The following EGFL6 variants were observed in gnomAD, a reference collection of about 807,000 sequenced individuals.
EGFL6 encodes EGF like domain multiple 6, also known as epidermal growth factor-like protein 6.
Under a neutral mutation model 43.1 loss-of-function variants are expected in EGFL6, and 42 were observed. That is an observed-to-expected ratio of 0.98 (90% CI 0.76 to 1.26). The LOEUF (loss-of-function observed/expected upper bound fraction) is 1.26. Among genes scored for constraint, EGFL6 ranks in the 50% most tolerant of loss-of-function variants. The probability of loss-of-function intolerance (pLI) is 0.00; values close to 1 mark genes in which losing one functional copy is unlikely to be tolerated. For missense variants in EGFL6, 429 were observed against 427.8 expected (o/e 1.00, Z -0.02); for synonymous variants, 164 against 163.2 (o/e 1.01, Z -0.04).
chrX:13,582,540 A>G (rs1269767151), intron 1 of EGFL6, among the ~76,000 whole-genome samples: 1 of 111,235 alleles, frequency 9.0e-6, no homozygotes, highest in African/African-American at 3.3e-5. Context: ...TAAATTTTTG[A>G]TGGCCCAAGT....
chrX:13,604,888 A>T (rs1410009029), intron 5 of EGFL6, among the ~76,000 whole-genome samples: 1 of 112,080 alleles, frequency 8.9e-6, no homozygotes, highest in Non-Finnish European at 1.9e-5. Context: ...ATGTTTATTT[A>T]TCCTAACTAT....
chrX:13,602,241 G>A (rs1342240002), intron 4 of EGFL6, among the ~76,000 whole-genome samples: 2 of 110,968 alleles, frequency 1.8e-5, no homozygotes, highest in Non-Finnish European at 3.8e-5. Context: ...GTTCTGGAGG[G>A]GGATGGAGGG....
chrX:13,616,165 G>A (rs915051272), intron 7 of EGFL6, among the ~76,000 whole-genome samples: 1 of 111,990 alleles, frequency 8.9e-6, no homozygotes, highest in East Asian at 2.8e-4. Context: ...CTTTACATCA[G>A]TTGGATATTC....
At chrX:13,595,164 A>C (rs1464584565) in intron 3 of EGFL6, among the ~76,000 whole-genome samples, 1 of 110,936 alleles carries the variant, frequency 9.0e-6, no homozygotes, top group Non-Finnish European at 1.9e-5. Flanking sequence ...TATCTTTTTT[A>C]AATAAGCTAA....
At chrX:13,614,524 T>A (rs2146702404) in intron 7 of EGFL6, among the ~76,000 whole-genome samples, 1 of 112,383 alleles carries the variant, frequency 8.9e-6, no homozygotes, top group South Asian at 3.7e-4. Context: ...TATTCTCACC[T>A]AAGAGTGATC....
At chrX:13,612,973 C>T (rs1434955354) in intron 7 of EGFL6, among the ~76,000 whole-genome samples, 1 of 108,398 alleles carries the variant, frequency 9.2e-6, no homozygotes, top group African/African-American at 3.4e-5. Flanking sequence ...GGTAAAACCC[C>T]GCCTCTACTA....
intron 4 of EGFL6, among the ~76,000 whole-genome samples, chrX:13,600,811 C>T (rs1476022194): frequency 9.4e-6 from 1 of 106,332 alleles, no homozygotes; most frequent in Non-Finnish European, 1.9e-5. Flanking sequence ...AAAAAAAAAG[C>T]GGTAAAATAA....
intron 9 of EGFL6, among the ~76,000 whole-genome samples, chrX:13,620,670 C>T (rs188000065): frequency 1.8e-5 from 2 of 111,432 alleles, no homozygotes; most frequent in African/African-American, 6.5e-5. Context: ...TTTTGTTTCT[C>T]TGCATTAGAC....
rs2045686768 is a variant in EGFL6 at position 13,611,130 on chromosome X, A to C, written c.778+2684A>C. On this transcript the variant is annotated intron_variant, in intron 7 of 11. Transcript: ENST00000361306. ...CTCTCCCCAGTTTCTGCCTCCTGGA[A>C]TCACCTTCCAAGTAAGTCATCTGCA... 4.5e-5 allele frequency among the ~76,000 whole-genome samples: 5 copies of C among 110,961 alleles called. No individual in the cohort carries two copies. The Admixed American group carries it at 4.8e-4, about 11-fold the overall frequency.
intron 2 of EGFL6, among the ~76,000 whole-genome samples, chrX:13,590,911 G>T (rs1241459014): frequency 9.0e-6 from 1 of 111,682 alleles, no homozygotes; most frequent in East Asian, 2.8e-4. Flanking sequence ...GATTGATAGT[G>T]TCATGATCAA....
At chrX:13,593,516 C>T (rs2045578053) in intron 2 of EGFL6, among the ~76,000 whole-genome samples, 1 of 111,388 alleles carries the variant, frequency 9.0e-6, no homozygotes, top group African/African-American at 3.3e-5. Context: ...CCCACAGGGA[C>T]CTCTAGGGGG....
At chrX:13,621,052 C>T (rs1007076629) in intron 9 of EGFL6, among the ~76,000 whole-genome samples, 5 of 112,537 alleles carry the variant, frequency 4.4e-5, no homozygotes, top group Admixed American at 1.9e-4. Context: ...TGCCTCCTTG[C>T]TTTCATACAT....
intron 1 of EGFL6, among the ~76,000 whole-genome samples, chrX:13,585,898 A>G (rs1385146562): frequency 9.0e-6 from 1 of 111,641 alleles, no homozygotes; most frequent in African/African-American, 3.3e-5. Context: ...ATGTTGTTAA[A>G]GGAAGAGGTA....
chrX:13,586,590 C>A (rs933030154), intron 1 of EGFL6, among the ~76,000 whole-genome samples: 1 of 111,039 alleles, frequency 9.0e-6, no homozygotes, highest in Non-Finnish European at 1.9e-5. Context: ...AGGCTCCAAC[C>A]CCATGACCTA....
At chrX:13,603,292 G>T in intron 4 of EGFL6, 25 bp from the exon 5 acceptor site, 1 of 1,185,020 alleles carries the variant, frequency 8.4e-7, no homozygotes. Context: ...AAGAGAGAAA[G>T]GCTAATCCTT....
At chrX:13,618,689 C>T (rs2045733149) in intron 8 of EGFL6, among the ~76,000 whole-genome samples, 1 of 111,285 alleles carries the variant, frequency 9.0e-6, no homozygotes, top group Non-Finnish European at 1.9e-5. Flanking sequence ...TACACTGAGA[C>T]TTTCCCATTC....
chrX:13,623,240 AT>A (rs1334628082), intron 9 of EGFL6, among the ~76,000 whole-genome samples: 1 of 108,745 alleles, frequency 9.2e-6, no homozygotes, highest in Non-Finnish European at 1.9e-5. Context: ...TCACTGGTTT[AT>A]TTGGGTAGGA....
intron 3 of EGFL6, chrX:13,596,155 T>G (rs2045596386): frequency 8.9e-6 from 1 of 112,291 alleles, no homozygotes; most frequent in African/African-American, 3.2e-5. Context: ...CCAGATAAAA[T>G]ACAGATACCA....
intron 4 of EGFL6, among the ~76,000 whole-genome samples, chrX:13,602,037 G>T (rs769872494): frequency 3.6e-4 from 40 of 112,372 alleles, no homozygotes; most frequent in Middle Eastern, 4.6e-3. Flanking sequence ...AAAGATGAAA[G>T]AATAAAGGAG....
Sources: gnomAD v4.1 joint callset for allele counts (sites outside exome capture counted in the v4.1 genomes callset) on GRCh38, gnomAD v4.1.1 for gene constraint, MANE v1.5 for transcripts, NCBI Gene and HGNC (gene_info 2026-07-23, HGNC 2026-07-21) for gene names.